The following CNTNAP2 variants were observed in gnomAD, a reference collection of about 807,000 sequenced individuals.
The protein encoded by CNTNAP2 is contactin associated protein 2, also known as contactin-associated protein-like 2.
CNTNAP2 carries 98 observed loss-of-function variants against 155.2 expected under a neutral mutation model. That is an observed-to-expected ratio of 0.63 (90% CI 0.54 to 0.75). The LOEUF is 0.75. Ranked by LOEUF, CNTNAP2 falls within the 30% of genes least tolerant of loss-of-function variation. The pLI, the probability that CNTNAP2 is intolerant of heterozygous loss-of-function variation, is 0.00. For missense variants in CNTNAP2, 1,727 were observed against 1,688.1 expected (o/e 1.02, Z -0.40); for synonymous variants, 651 against 631.2 (o/e 1.03, Z -0.47).
chr7:146,689,995 AT>A (rs1279295082), intron 1 of CNTNAP2, among the ~76,000 whole-genome samples: 6 of 146,616 alleles, frequency 4.1e-5, no homozygotes, highest in Admixed American at 4.0e-4. Flanking sequence ...ATTTTTATTA[AT>A]TTTTTTCAAA....
chr7:147,634,533 A>T (rs2116915652), intron 12 of CNTNAP2, among the ~76,000 whole-genome samples: 1 of 152,254 alleles, frequency 6.6e-6, no homozygotes, highest in South Asian at 2.1e-4. Context: ...CCAAAATCTC[A>T]GAAATCACCA....
chr7:146,387,671 A>G (rs1336002297), intron 1 of CNTNAP2, among the ~76,000 whole-genome samples: 1 of 152,188 alleles, frequency 6.6e-6, no homozygotes, highest in Non-Finnish European at 1.5e-5. Context: ...TATTTCCATC[A>G]GGCTGTGCAC....
At chr7:147,315,742 G>A (rs1424139674) in intron 9 of CNTNAP2, among the ~76,000 whole-genome samples, 2 of 152,042 alleles carry the variant, frequency 1.3e-5, no homozygotes, top group African/African-American at 2.4e-5. Context: ...GCCTCCCAAA[G>A]TGCTGGGATT....
chr7:147,400,398 G>A (rs1038916118), intron 10 of CNTNAP2, among the ~76,000 whole-genome samples: 4 of 152,152 alleles, frequency 2.6e-5, no homozygotes, highest in Non-Finnish European at 5.9e-5. Context: ...CTTGTGAATT[G>A]TTGTAGAATT....
At chr7:146,451,882 C>CGTGTATATATATATACGTAT (rs1796488752) in intron 1 of CNTNAP2, among the ~76,000 whole-genome samples, 1 of 67,236 alleles carries the variant, frequency 1.5e-5, no homozygotes, top group African/African-American at 1.5e-4. Context: ...TATATATACA[C>CGTGTATATATATATACGTAT]ATATACATAT....
chr7:147,874,457 G>A (rs1290234001), intron 13 of CNTNAP2, among the ~76,000 whole-genome samples: 1 of 152,026 alleles, frequency 6.6e-6, no homozygotes, highest in Admixed American at 6.6e-5. Context: ...CTGAAGCCAC[G>A]GCTCAAGCTG....
chr7:147,372,911 A>G (rs1796371063), intron 9 of CNTNAP2, among the ~76,000 whole-genome samples: 1 of 151,950 alleles, frequency 6.6e-6, no homozygotes, highest in South Asian at 2.1e-4. Flanking sequence ...TAACTGGGCC[A>G]TATCCTCACT....
At chr7:147,935,305 T>G (rs912864163) in intron 14 of CNTNAP2, among the ~76,000 whole-genome samples, 9 of 152,158 alleles carry the variant, frequency 5.9e-5, no homozygotes, top group Non-Finnish European at 8.8e-5. Context: ...TTTTGCATTT[T>G]TAGTAGAGAC....
chr7:147,429,772 A>G (rs1563201129), intron 10 of CNTNAP2, among the ~76,000 whole-genome samples: 1 of 152,010 alleles, frequency 6.6e-6, no homozygotes, highest in South Asian at 2.1e-4. Flanking sequence ...TCATTTTTCT[A>G]TATATGGCTT....
chr7:147,981,427 T>C (rs569173698), intron 15 of CNTNAP2, among the ~76,000 whole-genome samples: 2 of 152,370 alleles, frequency 1.3e-5, no homozygotes, highest in South Asian at 2.1e-4. Flanking sequence ...TTTATAGAGA[T>C]GAACTTACTT....
chr7:147,840,733 C>A (rs1007953334), intron 13 of CNTNAP2, among the ~76,000 whole-genome samples: 3 of 152,110 alleles, frequency 2.0e-5, no homozygotes, highest in African/African-American at 7.2e-5. Flanking sequence ...AGAAATGATT[C>A]ATGGGGACAG....
intron 4 of CNTNAP2, among the ~76,000 whole-genome samples, chr7:147,106,906 A>G (rs1329954339): frequency 6.6e-6 from 1 of 152,188 alleles, no homozygotes; most frequent in Admixed American, 6.5e-5. Context: ...CAAGTGCCAG[A>G]GAACTAGGAC....
At chr7:147,050,201 C>A (rs1041371100) in intron 4 of CNTNAP2, among the ~76,000 whole-genome samples, 1 of 152,120 alleles carries the variant, frequency 6.6e-6, no homozygotes, top group African/African-American at 2.4e-5. Context: ...AATCTTCTTA[C>A]GCGATACCAG....
At chr7:147,170,356 C>A (rs186885972) in intron 8 of CNTNAP2, among the ~76,000 whole-genome samples, 1 of 152,146 alleles carries the variant, frequency 6.6e-6, no homozygotes, top group African/African-American at 2.4e-5. Flanking sequence ...GAGGGGTAAC[C>A]CCCTCACCAG....
intron 1 of CNTNAP2, among the ~76,000 whole-genome samples, chr7:146,324,712 T>C (rs1801067094): frequency 6.6e-6 from 1 of 152,128 alleles, no homozygotes; most frequent in African/African-American, 2.4e-5. Context: ...AAATGTTTCT[T>C]CCTTTGTCCT....
At chr7:147,186,003 G>A (rs947854288) in intron 8 of CNTNAP2, among the ~76,000 whole-genome samples, 2 of 152,146 alleles carry the variant, frequency 1.3e-5, no homozygotes, top group Admixed American at 6.5e-5. Context: ...GGAACTGTGA[G>A]TCCATCAAAC....
intron 1 of CNTNAP2, among the ~76,000 whole-genome samples, chr7:146,299,710 A>C (rs559903492): frequency 1.3e-5 from 2 of 152,218 alleles, no homozygotes; most frequent in African/African-American, 4.8e-5. Flanking sequence ...CTGGGAACTT[A>C]CAGCCTAGTA....
At chr7:147,198,947 T>A (rs1403640202) in intron 8 of CNTNAP2, among the ~76,000 whole-genome samples, 1 of 145,630 alleles carries the variant, frequency 6.9e-6, no homozygotes, top group Non-Finnish European at 1.5e-5. Context: ...AACTAGCTAA[T>A]CAAAGGACTT....
At chr7:147,395,425 C>T (rs999940203) in intron 9 of CNTNAP2, among the ~76,000 whole-genome samples, 184 bp from the exon 10 acceptor site, 4 of 152,054 alleles carry the variant, frequency 2.6e-5, no homozygotes, top group Non-Finnish European at 5.9e-5. Flanking sequence ...ACCCTGACTT[C>T]TTCCTCTGTA....
Sources: gnomAD v4.1 joint callset for allele counts (sites outside exome capture counted in the v4.1 genomes callset) on GRCh38, gnomAD v4.1.1 for gene constraint, MANE v1.5 for transcripts, NCBI Gene and HGNC (gene_info 2026-07-23, HGNC 2026-07-21) for gene names.